The following MRPS6 variants were observed in gnomAD, a reference collection of about 807,000 sequenced individuals.
The protein encoded by MRPS6 is mitochondrial ribosomal protein S6.
MRPS6 carries 6 observed loss-of-function variants against 13.1 expected under a neutral mutation model. The ratio of observed to expected loss-of-function variants is 0.46; its 90% CI spans 0.25 to 0.91. The LOEUF (loss-of-function observed/expected upper bound fraction) is 0.91. MRPS6 is among the 40% of genes least tolerant of loss of function. The pLI, the probability that MRPS6 is intolerant of heterozygous loss-of-function variation, is 0.18. For missense variants in MRPS6, 164 were observed against 155.6 expected (o/e 1.05, Z -0.29); for synonymous variants, 61 against 56.5 (o/e 1.08, Z -0.36).
intron 2 of MRPS6, among the ~76,000 whole-genome samples, chr21:34,133,910 A>T (rs1225639396): frequency 6.6e-6 from 1 of 152,226 alleles, no homozygotes. Context: ...TTGGAAGGAC[A>T]TTTTGATGAA....
chr21:34,096,652 TG>T lies in MRPS6; in HGVS notation c.45+22908del. The stretch of plus-strand genomic sequence containing the variant: ...GGCTTTGTTCTTGGAGCAGTCCGTT[TG>T]ATACTGGCCTTTGCCTACCGTGCCC... On this transcript the variant is annotated intron_variant, in intron 1 of 2. Transcript: ENST00000399312. This position sits in a 1 kb window ranked among gnomAD's most constrained non-coding sequence, Gnocchi z 5.9. 1 of 1,614,204 alleles carries T rather than the reference TG, an allele frequency of 6.2e-7. No homozygotes were observed. The highest frequency in any genetic ancestry group is 8.5e-7 in the Non-Finnish European group (1 of 1,180,014).
intron 1 of MRPS6, among the ~76,000 whole-genome samples, chr21:34,119,831 A>G (rs748528595): frequency 1.3e-5 from 2 of 152,228 alleles, no homozygotes; most frequent in Non-Finnish European, 2.9e-5. Context: ...TGATACTTCC[A>G]TGAATTCTTA....
intron 1 of MRPS6, chr21:34,098,624 G>A (rs1979083306): frequency 1.0e-6 from 1 of 1,000,170 alleles, no homozygotes; most frequent in Admixed American, 6.2e-5. Flanking sequence ...TCTTTCTGTA[G>A]GATGGATAGC....
rs530401072 is a variant in MRPS6, at chr21:34,108,094, A to C, written c.46-17247A>C. ...GTTTCTGTAGCCTAGTGATCTTGTA[A>C]CGTACCGTAACACGTTACTCCTGTT... On this transcript the variant is annotated intron_variant, in intron 1 of 2. Transcript: ENST00000399312. Among the ~76,000 whole-genome samples, 6 of 152,258 alleles carry C rather than the reference A, an allele frequency of 3.9e-5. No homozygotes were observed. In the East Asian group the frequency reaches 7.7e-4, roughly 20 times the overall value.
intron 1 of MRPS6, among the ~76,000 whole-genome samples, chr21:34,091,991 T>G (rs190080667): frequency 3.2e-4 from 49 of 152,246 alleles, no homozygotes; most frequent in African/African-American, 1.2e-3. Flanking sequence ...TATATAAATA[T>G]AAAAATACAA....
intron 1 of MRPS6, among the ~76,000 whole-genome samples, chr21:34,091,509 T>C (rs1012690601): frequency 3.9e-5 from 6 of 152,226 alleles, no homozygotes; most frequent in African/African-American, 1.2e-4. Flanking sequence ...TTGGTTAACA[T>C]GGTTATATCA....
chr21:34,074,622 A>G (rs1339434761), intron 1 of MRPS6, among the ~76,000 whole-genome samples: 1 of 152,194 alleles, frequency 6.6e-6, no homozygotes, highest in African/African-American at 2.4e-5. Flanking sequence ...TCGTCGCCGA[A>G]ATCCCCATTC....
At chr21:34,090,713 T>C (rs900526426) in intron 1 of MRPS6, among the ~76,000 whole-genome samples, 1 of 152,234 alleles carries the variant, frequency 6.6e-6, no homozygotes, top group Non-Finnish European at 1.5e-5. Flanking sequence ...TCTCTGTTAC[T>C]TATTCCTTAT....
chr21:34,106,171 G>T, intron 1 of MRPS6: 1 of 988,038 alleles, frequency 1.0e-6, no homozygotes, highest in Non-Finnish European at 1.2e-6. Context: ...ATTCCTTTCT[G>T]TGGTATTTTG....
intron 1 of MRPS6, among the ~76,000 whole-genome samples, chr21:34,109,346 T>G (rs539534841): frequency 3.3e-5 from 5 of 152,338 alleles, no homozygotes; most frequent in Non-Finnish European, 5.9e-5. Context: ...GGCCTGGCTG[T>G]TTGTTGGGTT....
At chr21:34,109,369 A>G (rs1219438253) in intron 1 of MRPS6, among the ~76,000 whole-genome samples, 1 of 152,194 alleles carries the variant, frequency 6.6e-6, no homozygotes, top group Non-Finnish European at 1.5e-5. Flanking sequence ...GTCCTGCGAT[A>G]TCTTTAGAAT....
chr21:34,130,820 G>T (rs976123782), intron 2 of MRPS6, among the ~76,000 whole-genome samples: 1 of 152,194 alleles, frequency 6.6e-6, no homozygotes, highest in South Asian at 2.1e-4. Flanking sequence ...GTGGGTCAAA[G>T]TTACGTGCTT....
At chr21:34,103,241 T>G in intron 1 of MRPS6, 2 of 999,872 alleles carry the variant, frequency 2.0e-6, no homozygotes, top group South Asian at 9.4e-5. Flanking sequence ...TCTGCTAGTT[T>G]GCACCTTTCC....
chr21:34,080,847 G>A (rs758803710), intron 1 of MRPS6, among the ~76,000 whole-genome samples: 19 of 152,184 alleles, frequency 1.2e-4, no homozygotes, highest in Non-Finnish European at 2.1e-4. Context: ...ATGATACAGC[G>A]TGTTGACCTC....
intron 1 of MRPS6, chr21:34,104,346 C>G: frequency 1.0e-6 from 1 of 999,924 alleles, no homozygotes; most frequent in Middle Eastern, 5.2e-4. Flanking sequence ...TGTTCTTCTA[C>G]TCAGCATTGC....
intron 1 of MRPS6, among the ~76,000 whole-genome samples, chr21:34,079,605 T>A (rs1989414497): frequency 5.5e-5 from 1 of 18,240 alleles, no homozygotes; most frequent in South Asian, 1.6e-3. Context: ...CCAGCTAATT[T>A]TTTTTTTTTT....
chr21:34,080,810 C>T (rs1317791865), intron 1 of MRPS6, among the ~76,000 whole-genome samples: 1 of 152,222 alleles, frequency 6.6e-6, no homozygotes, highest in Non-Finnish European at 1.5e-5. Flanking sequence ...GGTTACTACT[C>T]TCATCTCTAT....
At chr21:34,123,175 C>T (rs1262606944) in intron 1 of MRPS6, 1 of 152,168 alleles carries the variant, frequency 6.6e-6, no homozygotes, top group Non-Finnish European at 1.5e-5. Context: ...TAAGCCAATA[C>T]TTAGCACATT....
intron 2 of MRPS6, among the ~76,000 whole-genome samples, chr21:34,141,352 G>C (rs1980900955): frequency 6.6e-6 from 1 of 152,162 alleles, no homozygotes; most frequent in South Asian, 2.1e-4. Context: ...GGGCCTTGGT[G>C]GAGCTAGGAG....
Sources: allele counts gnomAD v4.1 joint callset (sites outside exome capture counted in the v4.1 genomes callset), GRCh38; gene constraint gnomAD v4.1.1; non-coding constraint Gnocchi (gnomAD v3.1); transcripts MANE v1.5; gene names NCBI Gene and HGNC (gene_info 2026-07-23, HGNC 2026-07-21).